The following DLGAP1 variants were observed in gnomAD, a reference collection of about 807,000 sequenced individuals.
The protein encoded by DLGAP1 is disks large-associated protein 1.
In DLGAP1, 11 loss-of-function variants were observed where a neutral mutation model predicts 90.8. The observed-to-expected ratio is 0.12, with a 90% confidence interval of 0.08 to 0.20. The LOEUF (loss-of-function observed/expected upper bound fraction) is 0.20, where lower values mean the gene tolerates loss of function less well. Ranked by LOEUF, DLGAP1 falls within the 10% of genes least tolerant of loss-of-function variation. The probability of loss-of-function intolerance (pLI) is 1.00; values close to 1 mark genes in which losing one functional copy is unlikely to be tolerated. For missense variants in DLGAP1, 1,050 were observed against 1,333.8 expected (o/e 0.79, Z 3.31); for synonymous variants, 558 against 540.7 (o/e 1.03, Z -0.44).
At chr18:4,197,791 G>C (rs146575719) in intron 1 of DLGAP1, among the ~76,000 whole-genome samples, 1 of 152,142 alleles carries the variant, frequency 6.6e-6, no homozygotes, top group Admixed American at 6.5e-5. Flanking sequence ...CTAAAACCCC[G>C]TGAATGTTAG....
chr18:3,590,810 G>C (rs2145544472), intron 7 of DLGAP1, among the ~76,000 whole-genome samples: 1 of 152,092 alleles, frequency 6.6e-6, no homozygotes. Flanking sequence ...AGCCGCAGAG[G>C]TTGTAGTGAG....
intron 2 of DLGAP1, among the ~76,000 whole-genome samples, chr18:4,139,135 T>C (rs575889477): frequency 2.0e-5 from 3 of 152,126 alleles, no homozygotes; most frequent in Non-Finnish European, 2.9e-5. Context: ...ATTTCTGCTT[T>C]GATCTTTATT....
chr18:4,109,628 T>C (rs1416110735), intron 2 of DLGAP1, among the ~76,000 whole-genome samples: 1 of 152,100 alleles, frequency 6.6e-6, no homozygotes. Context: ...GTGGGGGCTT[T>C]CCTGAGCCCC....
chr18:3,589,345 A>G (rs1339487292), intron 7 of DLGAP1, among the ~76,000 whole-genome samples: 2 of 152,218 alleles, frequency 1.3e-5, no homozygotes, highest in African/African-American at 4.8e-5. Context: ...CACAAGTGTC[A>G]GGCGGCCACA....
At chr18:4,039,636 T>C (rs530185450) in intron 2 of DLGAP1, among the ~76,000 whole-genome samples, 172 of 152,330 alleles carry the variant, frequency 1.1e-3, no homozygotes, top group African/African-American at 3.9e-3. Flanking sequence ...GTTTCATTAC[T>C]GTATTTGTAA....
At chr18:4,014,245 C>G (rs959094462) in intron 2 of DLGAP1, among the ~76,000 whole-genome samples, 1 of 152,110 alleles carries the variant, frequency 6.6e-6, no homozygotes, top group Admixed American at 6.5e-5. Context: ...ACCACCACAC[C>G]CAGCTAATTT....
chr18:4,013,464 T>C lies in DLGAP1; in HGVS notation c.-158-8263A>G, dbSNP rs576944091. ...TTTCAAATGGGTAGTGCACTTTGGA[T>C]ATCTGTTTGTGGTTAAAAGTTTCAA... On this transcript the variant is annotated intron_variant, in intron 2 of 12. Coordinates refer to ENST00000315677, the MANE Select transcript of DLGAP1 (RefSeq NM_004746.4). Among the ~76,000 whole-genome samples, 13 of 152,328 alleles carry C rather than the reference T, an allele frequency of 8.5e-5. No individual in the cohort carries two copies. In the East Asian group the frequency reaches 2.1e-3, roughly 25 times the overall value.
chr18:3,967,408 T>C (rs1476758048), intron 3 of DLGAP1, among the ~76,000 whole-genome samples: 1 of 152,220 alleles, frequency 6.6e-6, no homozygotes, highest in African/African-American at 2.4e-5. Flanking sequence ...GATGTGGTAC[T>C]GCGATCAACA....
chr18:4,446,689 G>A (rs921691216), intron 1 of DLGAP1, among the ~76,000 whole-genome samples: 18 of 152,220 alleles, frequency 1.2e-4, no homozygotes, highest in African/African-American at 4.3e-4. Context: ...AATTTAAAAT[G>A]CAACTATTTT....
intron 7 of DLGAP1, among the ~76,000 whole-genome samples, chr18:3,625,790 G>A (rs1204808010): frequency 1.3e-5 from 2 of 152,146 alleles, no homozygotes; most frequent in African/African-American, 4.8e-5. Context: ...AACTATCACT[G>A]TTCTCAACCT....
rs2049777199 is a variant in DLGAP1 at position 3,498,718 on chromosome 18, G to T, written c.*467C>A. The stretch of plus-strand genomic sequence containing the variant: ...TTTTTTAAAAGAATAACCATTTAGG[G>T]GAAATAAAGGGAATCGGAGGCCTAG... On this transcript the variant is annotated 3_prime_UTR_variant, in exon 13 of 13. Transcript: ENST00000315677. 1 of 155,492 alleles carries T rather than the reference G, an allele frequency of 6.4e-6. No homozygotes were observed. The highest frequency in any genetic ancestry group is 1.4e-5 in the Non-Finnish European group (1 of 70,246). The allele number at this position is 155,492 out of a possible 1,614,324, so 9.6% of individuals were successfully genotyped here.
intron 2 of DLGAP1, among the ~76,000 whole-genome samples, chr18:4,082,341 CAA>C (rs34416813): frequency 1.4e-4 from 11 of 78,752 alleles, no homozygotes; most frequent in Middle Eastern, 0.011. Flanking sequence ...GACTCCATCT[CAA>C]AAAAAAAAAA....
intron 1 of DLGAP1, among the ~76,000 whole-genome samples, chr18:4,325,007 C>A (rs750485669): frequency 2.0e-4 from 31 of 152,020 alleles, no homozygotes; most frequent in Non-Finnish European, 4.3e-4. Context: ...TATTGGAAGT[C>A]CCGACAAGCA....
At chr18:3,800,358 C>T (rs780657189) in intron 5 of DLGAP1, among the ~76,000 whole-genome samples, 4 of 152,248 alleles carry the variant, frequency 2.6e-5, no homozygotes, top group Middle Eastern at 3.4e-3. Flanking sequence ...GCCTTTTTGT[C>T]TTCCATTCCT....
At chr18:3,506,066 G>A (rs564762042) in intron 11 of DLGAP1, among the ~76,000 whole-genome samples, 3 of 152,112 alleles carry the variant, frequency 2.0e-5, no homozygotes, top group Admixed American at 1.3e-4. Context: ...GTGAAACCCC[G>A]TCTCTACTAA....
At chr18:3,839,465 A>G (rs2068584691) in intron 4 of DLGAP1, among the ~76,000 whole-genome samples, 1 of 152,142 alleles carries the variant, frequency 6.6e-6, no homozygotes, top group Non-Finnish European at 1.5e-5. Flanking sequence ...AGGAGGTTAT[A>G]CTTGTCTTGG....
intron 1 of DLGAP1, among the ~76,000 whole-genome samples, chr18:4,412,830 G>C (rs1430865918): frequency 6.6e-6 from 1 of 152,190 alleles, no homozygotes; most frequent in African/African-American, 2.4e-5. Context: ...AAACCCACCA[G>C]GTCCCCACAC....
intron 9 of DLGAP1, among the ~76,000 whole-genome samples, chr18:3,551,734 T>TCCTC (rs2053480478): frequency 2.5e-5 from 1 of 40,544 alleles, no homozygotes; most frequent in Non-Finnish European, 4.2e-5. Context: ...CTTCCTTCCT[T>TCCTC]CCTTCCTTCC....
chr18:4,405,357 C>A (rs1018147703), intron 1 of DLGAP1, among the ~76,000 whole-genome samples: 5 of 152,006 alleles, frequency 3.3e-5, no homozygotes, highest in Non-Finnish European at 7.4e-5. Flanking sequence ...GTCATTTTAT[C>A]TGGATAGTTT....
Sources: gnomAD v4.1 joint callset for allele counts (sites outside exome capture counted in the v4.1 genomes callset) on GRCh38, gnomAD v4.1.1 for gene constraint, MANE v1.5 for transcripts, NCBI Gene and HGNC (gene_info 2026-07-23, HGNC 2026-07-21) for gene names.